The following SNTG1 variants were observed in gnomAD, a reference collection of about 807,000 sequenced individuals.
SNTG1 encodes gamma-1-syntrophin.
Under a neutral mutation model 74.7 loss-of-function variants are expected in SNTG1, and 39 were observed. The observed-to-expected ratio is 0.52, with a 90% CI of 0.40 to 0.68. The LOEUF is 0.68. Among genes scored for constraint, SNTG1 ranks in the 30% least tolerant of loss-of-function variants. SNTG1 has a pLI of 0.00. For synonymous variants in SNTG1, 254 were observed against 217.1 expected (o/e 1.17, Z -1.49); for missense variants, 685 against 609.5 (o/e 1.12, Z -1.30).
chr8:50,338,571 T>G (rs2091224991), intron 2 of SNTG1, among the ~76,000 whole-genome samples: 1 of 152,134 alleles, frequency 6.6e-6, no homozygotes, highest in Non-Finnish European at 1.5e-5. Flanking sequence ...AGCAGACAGC[T>G]GAAAACTTTA....
intron 17 of SNTG1, 41 bp downstream of exon 17, chr8:50,709,019 A>C: frequency 7.1e-7 from 1 of 1,400,078 alleles, no homozygotes; most frequent in Non-Finnish European, 1.0e-6. Context: ...TGCTGCAAAC[A>C]TTCTAATTGA....
At chr8:50,766,405 G>T (rs2095614080) in intron 18 of SNTG1, among the ~76,000 whole-genome samples, 1 of 151,762 alleles carries the variant, frequency 6.6e-6, no homozygotes, top group African/African-American at 2.4e-5. Flanking sequence ...TGCTGATTTG[G>T]GAATAATAAT....
intron 1 of SNTG1, among the ~76,000 whole-genome samples, chr8:50,022,326 A>G (rs898934843): frequency 4.6e-5 from 7 of 152,220 alleles, no homozygotes; most frequent in African/African-American, 1.4e-4. Context: ...TAAAATGATC[A>G]CTGATGCCTT....
At chr8:50,026,833 T>G (rs1348449573) in intron 1 of SNTG1, among the ~76,000 whole-genome samples, 1 of 152,158 alleles carries the variant, frequency 6.6e-6, no homozygotes, top group Non-Finnish European at 1.5e-5. Flanking sequence ...AAACCTATAT[T>G]TTTTCACTAT....
chr8:50,221,172 A>G (rs2085044394), intron 2 of SNTG1, among the ~76,000 whole-genome samples: 1 of 152,198 alleles, frequency 6.6e-6, no homozygotes, highest in Non-Finnish European at 1.5e-5. Context: ...AGAGGAAATC[A>G]TAATGGGAAG....
chr8:50,160,701 T>G (rs573467202), intron 1 of SNTG1, among the ~76,000 whole-genome samples: 1 of 152,312 alleles, frequency 6.6e-6, no homozygotes, highest in East Asian at 1.9e-4. Flanking sequence ...AGCTAATTAT[T>G]GCCTTATAAT....
chr8:50,243,302 C>T (rs1198648613), intron 2 of SNTG1, among the ~76,000 whole-genome samples: 1 of 152,064 alleles, frequency 6.6e-6, no homozygotes, highest in Admixed American at 6.6e-5. Flanking sequence ...ATTATATATG[C>T]TTAGTTAGGG....
chr8:50,497,239 G>C (rs1261683761), intron 8 of SNTG1, among the ~76,000 whole-genome samples: 1 of 151,826 alleles, frequency 6.6e-6, no homozygotes, highest in Non-Finnish European at 1.5e-5. Flanking sequence ...CAACTGCCCA[G>C]TGCCTATTTC....
Position 49,939,156 on chromosome 8 carries a change from C to T in SNTG1, c.-103+26925C>T, listed in dbSNP as rs1585584011. Among the ~76,000 whole-genome samples the T allele has an allele frequency of 2.6e-5, 4 of 151,960 alleles. No homozygotes were observed. The East Asian group carries it at 7.7e-4, about 29-fold the overall frequency. ...CATTTCAATTTATACTTACTCTTTC[C>T]ACTAGCGTGTTAAAATTTCTGTTCT... On this transcript the variant is annotated intron_variant, in intron 1 of 18. Coordinates refer to ENST00000642720, the MANE Select transcript of SNTG1 (RefSeq NM_018967.5).
At chr8:50,511,719 C>G (rs1188834975) in intron 9 of SNTG1, among the ~76,000 whole-genome samples, 1 of 152,104 alleles carries the variant, frequency 6.6e-6, no homozygotes, top group African/African-American at 2.4e-5. Flanking sequence ...TCTGTTTTAT[C>G]AGAGACTAGG....
At chr8:50,407,025 C>G (rs2092885165) in intron 4 of SNTG1, among the ~76,000 whole-genome samples, 2 of 152,148 alleles carry the variant, frequency 1.3e-5, no homozygotes, top group African/African-American at 4.8e-5. Context: ...CTGGTAAAGG[C>G]CCGCAGACGC....
chr8:50,481,603 G>A (rs1215734802), intron 8 of SNTG1, among the ~76,000 whole-genome samples: 1 of 152,098 alleles, frequency 6.6e-6, no homozygotes, highest in Non-Finnish European at 1.5e-5. Context: ...GTTAAGAAAA[G>A]CACTGAGATT....
rs980460511 is a variant in SNTG1 at position 50,165,152 on chromosome 8, C to G, written c.-102-7409C>G. 2.0e-5 allele frequency among the ~76,000 whole-genome samples: 3 copies of G among 152,128 alleles called. No homozygotes were observed. In the South Asian group the frequency reaches 6.2e-4, roughly 32 times the overall value. On this transcript the variant is annotated intron_variant, in intron 1 of 18. Coordinates refer to ENST00000642720, the MANE Select transcript of SNTG1 (RefSeq NM_018967.5). ...GCTTTGATGAGCTTCACAGGCATAG[C>G]TTTGCTTACTGAAAAGAGAGCAATT...
chr8:50,015,724 A>G (rs989646824), intron 1 of SNTG1, among the ~76,000 whole-genome samples: 1 of 152,168 alleles, frequency 6.6e-6, no homozygotes, highest in East Asian at 1.9e-4. Context: ...AATAGGAACC[A>G]TTACAATCAA....
chr8:50,108,292 A>G (rs1261027101), intron 1 of SNTG1, among the ~76,000 whole-genome samples: 2 of 152,216 alleles, frequency 1.3e-5, no homozygotes, highest in Non-Finnish European at 2.9e-5. Context: ...GCTGAGTAAA[A>G]TCAAGTTGCT....
At chr8:50,686,427 C>A (rs1327318880) in intron 15 of SNTG1, among the ~76,000 whole-genome samples, 1 of 152,094 alleles carries the variant, frequency 6.6e-6, no homozygotes, top group East Asian at 1.9e-4. Context: ...AAAGATTAAA[C>A]TAGAGACAGT....
intron 1 of SNTG1, among the ~76,000 whole-genome samples, chr8:50,067,184 C>G (rs2130976699): frequency 6.6e-6 from 1 of 152,226 alleles, no homozygotes; most frequent in African/African-American, 2.4e-5. Flanking sequence ...TTGTTTGTTA[C>G]TTTTCTGTGC....
At chr8:50,789,840 T>C (rs746013062) in intron 18 of SNTG1, among the ~76,000 whole-genome samples, 8 of 152,002 alleles carry the variant, frequency 5.3e-5, no homozygotes, top group Admixed American at 1.3e-4. Context: ...ATGTCGCTCA[T>C]AGTAAAACTC....
intron 3 of SNTG1, among the ~76,000 whole-genome samples, chr8:50,401,599 G>A (rs1050229458): frequency 1.3e-5 from 2 of 152,030 alleles, no homozygotes; most frequent in Non-Finnish European, 2.9e-5. Context: ...GTGTGTGTGT[G>A]TGTGTATGTG....
Sources: gnomAD v4.1 joint callset for allele counts (sites outside exome capture counted in the v4.1 genomes callset) on GRCh38, gnomAD v4.1.1 for gene constraint, MANE v1.5 for transcripts, NCBI Gene and HGNC (gene_info 2026-07-23, HGNC 2026-07-21) for gene names.